Variants in PPP1R9A observed in about 807,000 individuals in gnomAD.
PPP1R9A encodes the protein protein phosphatase 1 regulatory subunit 9A, also known as neurabin-1.
A neutral mutation model predicts 141.9 loss-of-function variants in PPP1R9A; 59 were observed. That is an observed-to-expected ratio of 0.42 (90% CI 0.34 to 0.52). The LOEUF (loss-of-function observed/expected upper bound fraction) is 0.52, where lower values mean the gene tolerates loss of function less well. Among genes scored for constraint, PPP1R9A ranks in the 20% least tolerant of loss-of-function variants. The pLI, the probability that PPP1R9A is intolerant of heterozygous loss-of-function variation, is 0.10. For missense variants in PPP1R9A, 1,444 were observed against 1,611.9 expected, an observed-to-expected ratio of 0.90 and a Z score of 1.78; for synonymous variants, 500 against 569.7, an observed-to-expected ratio of 0.88 and a Z score of 1.74.
At chr7:95,264,279 C>T (rs1375568888) in intron 12 of PPP1R9A, among the ~76,000 whole-genome samples, 1 of 152,132 alleles carries the variant, frequency 6.6e-6, no homozygotes, top group East Asian at 1.9e-4. Flanking sequence ...ATAGCACAGG[C>T]GAGGCAGTGT....
chr7:95,237,359 C>G (rs1003208605), intron 8 of PPP1R9A, among the ~76,000 whole-genome samples: 1 of 151,710 alleles, frequency 6.6e-6, no homozygotes, highest in Non-Finnish European at 1.5e-5. Context: ...CCACACCCAG[C>G]TAATTTTTGT....
At chr7:95,201,267 C>T (rs1310466920) in intron 6 of PPP1R9A, among the ~76,000 whole-genome samples, 2 of 152,088 alleles carry the variant, frequency 1.3e-5, no homozygotes, top group African/African-American at 2.4e-5. Context: ...GAAGTAAAAA[C>T]GAGGTGCTTG....
At position 94,910,063 on chromosome 7, in the gene PPP1R9A, G is replaced by GT. The variant is rs748440888; in HGVS notation, c.-44dup. 8.6e-5 allele frequency: 131 copies of GT among 1,524,076 alleles called. No homozygotes were observed. The highest frequency in any genetic ancestry group is 1.9e-5 in the Non-Finnish European group (21 of 1,132,394). 94.4% of individuals were successfully genotyped at this position (1,524,076 alleles called of 1,614,324 possible). ...GAGAAGAGAGGTATCTTGGTTTTTG[G>GT]TTTTTTTCTTTGATCATTATGAACA... is the stretch of plus-strand genomic sequence containing the variant. On this transcript the variant is annotated 5_prime_UTR_variant, in exon 2 of 20. Coordinates refer to ENST00000433360, the MANE Select transcript of PPP1R9A (RefSeq NM_001166160.2). The surrounding 1 kb of genome is among the most constrained non-coding windows in gnomAD (Gnocchi z 4.5).
chr7:95,189,143 T>C (rs1252754620), intron 5 of PPP1R9A, among the ~76,000 whole-genome samples: 1 of 152,214 alleles, frequency 6.6e-6, no homozygotes, highest in African/African-American at 2.4e-5. Flanking sequence ...GGGTTTCTGC[T>C]GAGAAATCTG....
At chr7:94,978,138 T>A (rs1446748381) in intron 2 of PPP1R9A, among the ~76,000 whole-genome samples, 1 of 152,174 alleles carries the variant, frequency 6.6e-6, no homozygotes, top group Non-Finnish European at 1.5e-5. Flanking sequence ...AAGTAGATTG[T>A]GATGCAAAGC....
At chr7:95,172,278 A>G (rs1369138425) in intron 5 of PPP1R9A, among the ~76,000 whole-genome samples, 1 of 151,738 alleles carries the variant, frequency 6.6e-6, no homozygotes, top group Non-Finnish European at 1.5e-5. Flanking sequence ...TAACTAATTG[A>G]AAGCCCATAG....
rs376472883 is a variant in PPP1R9A, at chr7:95,212,760, C to T, written c.1956+9030C>T. 3.9e-5 allele frequency among the ~76,000 whole-genome samples: 6 copies of T among 152,218 alleles called. No individual in the cohort carries two copies. The East Asian group carries it at 9.7e-4, about 25-fold the overall frequency. On this transcript the variant is annotated intron_variant, in intron 7 of 19. Transcript: ENST00000433360. Reference sequence around the variant, plus strand: ...ATTATTGATCCTGCTGTACCTGGTTCAATACCTTAGGCCAAGTGGAAAGGT... The same window carrying T: ...ATTATTGATCCTGCTGTACCTGGTTTAATACCTTAGGCCAAGTGGAAAGGT...
intron 2 of PPP1R9A, among the ~76,000 whole-genome samples, chr7:94,921,688 A>G (rs1792864956): frequency 6.6e-6 from 1 of 152,136 alleles, no homozygotes; most frequent in Non-Finnish European, 1.5e-5. Flanking sequence ...CACCTTATCT[A>G]CCATTACCTA....
At chr7:95,032,556 C>T (rs368008483) in intron 2 of PPP1R9A, among the ~76,000 whole-genome samples, 2 of 152,228 alleles carry the variant, frequency 1.3e-5, no homozygotes, top group African/African-American at 4.8e-5. Flanking sequence ...TTCCCTGTAA[C>T]CTTCTCTGGC....
intron 2 of PPP1R9A, among the ~76,000 whole-genome samples, chr7:94,962,206 G>A (rs1446487214): frequency 3.3e-5 from 5 of 151,862 alleles, no homozygotes; most frequent in Non-Finnish European, 5.9e-5. Context: ...GTATGTTTCT[G>A]GGTAGTTTGT....
intron 2 of PPP1R9A, among the ~76,000 whole-genome samples, chr7:95,066,817 A>T (rs1274105734): frequency 6.6e-6 from 1 of 152,196 alleles, no homozygotes; most frequent in Non-Finnish European, 1.5e-5. Flanking sequence ...ATTGTCCTAG[A>T]GCTAGACGTG....
Position 94,962,583 on chromosome 7 carries a change from CAGG to C in PPP1R9A, c.1395+51078_1395+51080del, listed in dbSNP as rs749844030. On this transcript the variant is annotated intron_variant, in intron 2 of 19. Transcript: ENST00000433360. Reference sequence around the variant, plus strand: ...AAGTTATTCCTTATAAGGAAAACATCAGGAGTTCTATTTATAAGCGTATAGTAT... The same window carrying C: ...AAGTTATTCCTTATAAGGAAAACATCAGTTCTATTTATAAGCGTATAGTAT... Among the ~76,000 whole-genome samples, 66 of 151,982 alleles carry C rather than the reference CAGG, an allele frequency of 4.3e-4. 1 individual carries two copies. Among genetic ancestry groups the C allele is most frequent in the Non-Finnish European group, 6.8e-4 (46 of 67,974 alleles).
chr7:95,178,086 A>G (rs958447914), intron 5 of PPP1R9A, among the ~76,000 whole-genome samples: 1 of 152,166 alleles, frequency 6.6e-6, no homozygotes, highest in Admixed American at 6.6e-5. Context: ...TATACATTCT[A>G]TTCAACAGTG....
intron 2 of PPP1R9A, among the ~76,000 whole-genome samples, chr7:94,942,015 T>C (rs1239117624): frequency 6.6e-6 from 1 of 152,080 alleles, no homozygotes; most frequent in South Asian, 2.1e-4. Flanking sequence ...AATATATATA[T>C]GAAGGGCCCG....
chr7:94,913,283 T>C (rs1791672416), intron 2 of PPP1R9A, among the ~76,000 whole-genome samples: 1 of 152,160 alleles, frequency 6.6e-6, no homozygotes, highest in Non-Finnish European at 1.5e-5. Context: ...TGTGTCTGTT[T>C]ATATGTGAAC....
At chr7:95,288,361 A>G (rs981937920) in intron 18 of PPP1R9A, among the ~76,000 whole-genome samples, 175 bp from the exon 19 acceptor site, 3 of 152,218 alleles carry the variant, frequency 2.0e-5, no homozygotes, top group Non-Finnish European at 2.9e-5. Context: ...TTCTAAAAAC[A>G]TAAAAACATA....
rs1180146219 is a variant in PPP1R9A, at chr7:95,274,181, G to A, written c.3296+13G>A. 3 of 1,526,874 alleles carry A rather than the reference G, an allele frequency of 2.0e-6. No homozygotes were observed. Among genetic ancestry groups the A allele is most frequent in the Admixed American group, 3.7e-5 (2 of 54,296 alleles). 94.6% of individuals were successfully genotyped at this position (1,526,874 alleles called of 1,614,324 possible). A position where few individuals can be genotyped will look rare whatever the true frequency, so the allele number is the denominator to read the frequency against. ...CTGCAGGTAGCAGGTACGGTTGTGT[G>A]ATTAAGAACACGTGTATTTCTATAC... is the stretch of plus-strand genomic sequence containing the variant. On this transcript the variant is annotated intron_variant, in intron 16 of 19. Transcript: ENST00000433360.
At chr7:95,127,495 C>CT (rs150158227) in intron 4 of PPP1R9A, among the ~76,000 whole-genome samples, 1 of 132,152 alleles carries the variant, frequency 7.6e-6, no homozygotes, top group Non-Finnish European at 1.6e-5. Context: ...CTTCTGTCTT[C>CT]TTTTTTTCTT....
chr7:95,268,783 A>G, intron 13 of PPP1R9A, 76 bp downstream of exon 13: 1 of 1,525,576 alleles, frequency 6.6e-7, no homozygotes, highest in Non-Finnish European at 8.8e-7. Flanking sequence ...GAAGATTATG[A>G]TTTTTCTGCA....
Sources: gnomAD v4.1 joint callset for allele counts (sites outside exome capture counted in the v4.1 genomes callset) on GRCh38, gnomAD v4.1.1 for gene constraint, Gnocchi (gnomAD v3.1) non-coding constraint, MANE v1.5 for transcripts, NCBI Gene and HGNC (gene_info 2026-07-23, HGNC 2026-07-21) for gene names.